MINDY4: variants seen among roughly 807,000 people sequenced by gnomAD.
MINDY4 encodes MINDY lysine 48 deubiquitinase 4.
In MINDY4, 68 loss-of-function variants were observed where a neutral mutation model predicts 87.0. The ratio of observed to expected loss-of-function variants is 0.78; its 90% CI spans 0.64 to 0.96. The LOEUF (loss-of-function observed/expected upper bound fraction) is 0.96, where lower values mean the gene tolerates loss of function less well. Ranked by LOEUF, MINDY4 falls within the 40% of genes least tolerant of loss-of-function variation. The probability of loss-of-function intolerance (pLI) is 0.00; values close to 1 mark genes in which losing one functional copy is unlikely to be tolerated. For missense variants in MINDY4, 919 were observed against 928.2 expected, an observed-to-expected ratio of 0.99 and a Z score of 0.13; for synonymous variants, 379 against 363.2, an observed-to-expected ratio of 1.04 and a Z score of -0.50.
intron 8 of MINDY4, among the ~76,000 whole-genome samples, chr7:30,839,607 G>C (rs1360581111): frequency 1.3e-5 from 2 of 152,190 alleles, no homozygotes. Flanking sequence ...AGAGAGAGCA[G>C]TAGGAGGCCT....
intron 5 of MINDY4, among the ~76,000 whole-genome samples, chr7:30,804,905 G>C (rs577589867): frequency 2.0e-5 from 3 of 152,316 alleles, no homozygotes; most frequent in Admixed American, 6.5e-5. Context: ...ATCCCAAGCC[G>C]AGGGGATGCT....
At chr7:30,873,816 G>T (rs149866903) in intron 14 of MINDY4, among the ~76,000 whole-genome samples, 5 of 152,274 alleles carry the variant, frequency 3.3e-5, no homozygotes, top group South Asian at 2.1e-4. Flanking sequence ...CCTGAAAAAG[G>T]CTGTGCCTTT....
At chr7:30,788,331 T>G (rs1249103737) in intron 4 of MINDY4, among the ~76,000 whole-genome samples, 1 of 152,238 alleles carries the variant, frequency 6.6e-6, no homozygotes, top group Non-Finnish European at 1.5e-5. Flanking sequence ...ACCTTATCAG[T>G]TTCGCTTGAT....
At chr7:30,827,742 T>C (rs1424354980) in intron 5 of MINDY4, among the ~76,000 whole-genome samples, 2 of 152,186 alleles carry the variant, frequency 1.3e-5, no homozygotes, top group Non-Finnish European at 2.9e-5. Context: ...TTTGGTACTG[T>C]GCGTCCTCTA....
At chr7:30,813,895 C>CT (rs1788078066) in intron 5 of MINDY4, among the ~76,000 whole-genome samples, 1 of 151,892 alleles carries the variant, frequency 6.6e-6, no homozygotes, top group Non-Finnish European at 1.5e-5. Context: ...CCTGGAGGTT[C>CT]TTTTTTCATG....
At chr7:30,824,596 A>ATTTATT (rs1327230091) in intron 5 of MINDY4, among the ~76,000 whole-genome samples, 1 of 151,960 alleles carries the variant, frequency 6.6e-6, no homozygotes, top group Non-Finnish European at 1.5e-5. Flanking sequence ...TTTTTTTGCT[A>ATTTATT]TTTATTTTTA....
intron 5 of MINDY4, among the ~76,000 whole-genome samples, chr7:30,819,409 G>A (rs2128560255): frequency 6.6e-6 from 1 of 152,222 alleles, no homozygotes; most frequent in Admixed American, 6.5e-5. Context: ...GACATAATAT[G>A]TGGACTGCTG....
chr7:30,805,339 G>A (rs1406519986), intron 5 of MINDY4, among the ~76,000 whole-genome samples: 1 of 152,168 alleles, frequency 6.6e-6, no homozygotes, highest in Non-Finnish European at 1.5e-5. Context: ...CTTGAGTCAG[G>A]AAGAAGATGA....
At chr7:30,773,851 TCA>T (rs1427083632) in intron 1 of MINDY4, among the ~76,000 whole-genome samples, 2 of 152,296 alleles carry the variant, frequency 1.3e-5, no homozygotes, top group East Asian at 3.9e-4. Context: ...TGCCAACTTT[TCA>T]CAGTCCCTCG....
chr7:30,780,448 T>G (rs1479908537), intron 2 of MINDY4: 1 of 152,240 alleles, frequency 6.6e-6, no homozygotes, highest in Non-Finnish European at 1.5e-5. Flanking sequence ...GTAGTTGTTA[T>G]CTTAAGATAC....
chr7:30,802,851 A>C (rs1018601219), intron 5 of MINDY4, among the ~76,000 whole-genome samples: 2 of 151,682 alleles, frequency 1.3e-5, no homozygotes, highest in African/African-American at 4.8e-5. Context: ...CCGACCAACC[A>C]AACCAACCAA....
chr7:30,843,840 G>C (rs1382012515), intron 9 of MINDY4, among the ~76,000 whole-genome samples: 1 of 152,204 alleles, frequency 6.6e-6, no homozygotes. Flanking sequence ...GGTGGGCAGA[G>C]GAGGAGGGAA....
chr7:30,884,991 G>A (rs1193980768), intron 17 of MINDY4, among the ~76,000 whole-genome samples: 1 of 152,248 alleles, frequency 6.6e-6, no homozygotes, highest in Admixed American at 6.5e-5. Context: ...GTGGGAAGCA[G>A]AGAGGCTGCA....
intron 5 of MINDY4, among the ~76,000 whole-genome samples, chr7:30,823,947 G>GAAAAATTTATGT (rs1166436758): frequency 6.6e-6 from 1 of 152,118 alleles, no homozygotes; most frequent in African/African-American, 2.4e-5. Flanking sequence ...ACTGACTTGG[G>GAAAAATTTATGT]AAAAATTTAT....
intron 1 of MINDY4, among the ~76,000 whole-genome samples, chr7:30,772,011 C>T (rs541220884): frequency 6.6e-6 from 1 of 152,284 alleles, no homozygotes; most frequent in Admixed American, 6.5e-5. Context: ...GACGGTCAAA[C>T]CCTTAGTCAT....
chr7:30,791,017 A>G, intron 4 of MINDY4, 148 bp from the exon 5 acceptor site: 2 of 830,890 alleles, frequency 2.4e-6, no homozygotes, highest in South Asian at 3.5e-5. Flanking sequence ...TCCTTAAATA[A>G]TAGGCAAGAT....
At chr7:30,805,481 C>T (rs1221986963) in intron 5 of MINDY4, among the ~76,000 whole-genome samples, 1 of 152,122 alleles carries the variant, frequency 6.6e-6, no homozygotes, top group Middle Eastern at 3.2e-3. Context: ...TGGACATTGC[C>T]AAGGTCAGTA....
chr7:30,775,998 A>G (rs1786800315), intron 1 of MINDY4, among the ~76,000 whole-genome samples: 1 of 152,200 alleles, frequency 6.6e-6, no homozygotes, highest in South Asian at 2.1e-4. Context: ...CTTTATCATC[A>G]GAGCACATAC....
chr7:30,891,841 C>T (rs1790801585), intron 17 of MINDY4, 116 bp from the exon 18 acceptor site: 36 of 1,014,498 alleles, frequency 3.5e-5, no homozygotes, highest in South Asian at 3.4e-4. Flanking sequence ...GGATGGAAAC[C>T]GAACTATTCA....
Sources: allele counts gnomAD v4.1 joint callset (sites outside exome capture counted in the v4.1 genomes callset), GRCh38; gene constraint gnomAD v4.1.1; transcripts MANE v1.5; gene names NCBI Gene and HGNC (gene_info 2026-07-23, HGNC 2026-07-21).